PCDH15: variants seen among roughly 807,000 people sequenced by gnomAD.
The protein encoded by PCDH15 is protocadherin-15.
PCDH15 carries 129 observed loss-of-function variants against 178.5 expected under a neutral mutation model. The ratio of observed to expected loss-of-function variants is 0.72; its 90% CI spans 0.63 to 0.84. The LOEUF is 0.84. Among genes scored for constraint, PCDH15 ranks in the 40% least tolerant of loss-of-function variants. PCDH15 has a pLI of 0.00. For missense variants in PCDH15, 2,230 were observed against 2,099.9 expected (o/e 1.06, Z -1.21); for synonymous variants, 800 against 732.0 (o/e 1.09, Z -1.50).
chr10:53,997,042 A>T (rs544225624), intron 20 of PCDH15, among the ~76,000 whole-genome samples: 1 of 152,280 alleles, frequency 6.6e-6, no homozygotes, highest in African/African-American at 2.4e-5. Flanking sequence ...TTACTATCAA[A>T]CAATGCTTCC....
intron 3 of PCDH15, among the ~76,000 whole-genome samples, chr10:54,416,601 T>A (rs1395284820): frequency 2.0e-5 from 3 of 152,194 alleles, no homozygotes; most frequent in African/African-American, 7.2e-5. Context: ...TGCATTTGTC[T>A]TTATAGTAGA....
At chr10:55,503,368 A>C (rs963954560) in intron 2 of PCDH15, among the ~76,000 whole-genome samples, 1 of 148,470 alleles carries the variant, frequency 6.7e-6, no homozygotes, top group South Asian at 2.1e-4. Context: ...ATATAAAATA[A>C]ATATTCTAAA....
intron 2 of PCDH15, among the ~76,000 whole-genome samples, chr10:55,545,745 T>C (rs1289516366): frequency 6.6e-6 from 1 of 152,186 alleles, no homozygotes; most frequent in Admixed American, 6.6e-5. Flanking sequence ...ATTTCATCTA[T>C]CAGAAGAAGT....
intron 15 of PCDH15, among the ~76,000 whole-genome samples, chr10:54,099,513 A>AAAAAAAAAAAAAAAAAAT (rs1347306483): frequency 8.5e-6 from 1 of 117,930 alleles, no homozygotes; most frequent in African/African-American, 3.8e-5. Context: ...AAAAAAAAAA[A>AAAAAAAAAAAAAAAAAAT]ATATATATAT....
At chr10:55,395,830 T>C (rs1837913456) in intron 2 of PCDH15, among the ~76,000 whole-genome samples, 1 of 152,032 alleles carries the variant, frequency 6.6e-6, no homozygotes, top group Admixed American at 6.6e-5. Flanking sequence ...TTAGTCTCAC[T>C]ATCCTCCTAT....
chr10:55,077,013 C>T (rs191889099), intron 2 of PCDH15, among the ~76,000 whole-genome samples: 48 of 151,216 alleles, frequency 3.2e-4, no homozygotes, highest in African/African-American at 8.3e-4. Flanking sequence ...GTGATCCGCC[C>T]GCCTCAGCCT....
intron 2 of PCDH15, among the ~76,000 whole-genome samples, chr10:54,653,746 A>G (rs1456715728): frequency 6.6e-6 from 1 of 152,238 alleles, no homozygotes; most frequent in Non-Finnish European, 1.5e-5. Flanking sequence ...TGAAATTTCC[A>G]TATGCTTCTC....
intron 26 of PCDH15, among the ~76,000 whole-genome samples, chr10:53,872,155 T>C (rs1423033811): frequency 6.6e-6 from 1 of 152,114 alleles, no homozygotes; most frequent in African/African-American, 2.4e-5. Flanking sequence ...CCCTTCTACT[T>C]CAACTTCCTC....
At chr10:55,339,517 C>G (rs1438632210) in intron 2 of PCDH15, among the ~76,000 whole-genome samples, 3 of 152,084 alleles carry the variant, frequency 2.0e-5, no homozygotes, top group Non-Finnish European at 4.4e-5. Context: ...TTGCATTAAT[C>G]AATGTATACA....
intron 2 of PCDH15, among the ~76,000 whole-genome samples, chr10:55,591,180 C>G (rs1842835749): frequency 1.3e-5 from 2 of 151,974 alleles, no homozygotes; most frequent in Non-Finnish European, 2.9e-5. Context: ...GATAGGCAGT[C>G]CTGGTGTGGT....
chr10:53,908,836 T>G (rs2082863072), intron 25 of PCDH15, among the ~76,000 whole-genome samples: 2 of 152,238 alleles, frequency 1.3e-5, no homozygotes, highest in African/African-American at 2.4e-5. Flanking sequence ...TTGCAGAGAA[T>G]TTTTTAAATG....
chr10:54,739,095 T>C (rs927270330), intron 1 of PCDH15, among the ~76,000 whole-genome samples: 7 of 151,948 alleles, frequency 4.6e-5, no homozygotes, highest in African/African-American at 7.2e-5. Context: ...ATAAAGAACA[T>C]TGTAAAGGAA....
intron 1 of PCDH15, among the ~76,000 whole-genome samples, chr10:54,681,286 T>C (rs1414715394): frequency 6.6e-6 from 1 of 152,156 alleles, no homozygotes; most frequent in African/African-American, 2.4e-5. Context: ...AGATGTCCCA[T>C]AGATTGATAT....
At chr10:54,153,519 G>A (rs563266190) in intron 13 of PCDH15, among the ~76,000 whole-genome samples, 2 of 152,194 alleles carry the variant, frequency 1.3e-5, no homozygotes, top group East Asian at 1.9e-4. Flanking sequence ...TTTTGTGAGA[G>A]TGATTAAGAA....
chr10:55,474,389 T>C (rs1387376321), intron 2 of PCDH15, among the ~76,000 whole-genome samples: 1 of 152,168 alleles, frequency 6.6e-6, no homozygotes, highest in Non-Finnish European at 1.5e-5. Flanking sequence ...AACTCTAAAA[T>C]TAGCTTCAGG....
At chr10:55,260,788 T>A (rs1239530494) in intron 1 of PCDH15, among the ~76,000 whole-genome samples, 1 of 152,184 alleles carries the variant, frequency 6.6e-6, no homozygotes, top group East Asian at 1.9e-4. Flanking sequence ...ATAAAAAGAA[T>A]AGATAAGCAA....
At chr10:55,530,547 T>C (rs368918996) in intron 2 of PCDH15, among the ~76,000 whole-genome samples, 49 of 152,124 alleles carry the variant, frequency 3.2e-4, no homozygotes, top group African/African-American at 1.0e-3. Context: ...TAGACATCTT[T>C]GGATGAATAT....
At position 54,022,967 on chromosome 10, in the gene PCDH15, A is replaced by G; in HGVS notation, c.2451T>C (p.Pro817=). 6.2e-7 allele frequency: 1 copy of G among 1,613,952 alleles called. No homozygotes were observed. Among genetic ancestry groups the G allele is most frequent in the Non-Finnish European group, 8.5e-7 (1 of 1,179,882 alleles). The part of the protein sequence containing the change: ...IKVLDIDDNS[P]VFTNSTYTVL... Reference sequence around the variant, plus strand: ...CAGTGTATGTTGAATTGGTGAACACAGGACTGTTATCATCAATGTCCAAAA... The same window carrying G: ...CAGTGTATGTTGAATTGGTGAACACGGGACTGTTATCATCAATGTCCAAAA... The change falls in exon 19 of 38, where the codon CCT becomes CCC. Residue 817 remains proline, a synonymous_variant. Transcript: ENST00000644397.
At chr10:54,999,316 T>A (rs1591827646) in intron 2 of PCDH15, among the ~76,000 whole-genome samples, 1 of 147,530 alleles carries the variant, frequency 6.8e-6, no homozygotes, top group Non-Finnish European at 1.5e-5. Context: ...ATTTTTTTTT[T>A]AAGTTCTGAA....
Sources: gnomAD v4.1 joint callset for allele counts (sites outside exome capture counted in the v4.1 genomes callset) on GRCh38, gnomAD v4.1.1 for gene constraint, MANE v1.5 for transcripts, NCBI Gene and HGNC (gene_info 2026-07-23, HGNC 2026-07-21) for gene names.